The following JAK2 variants were observed in gnomAD, a reference collection of about 807,000 sequenced individuals.
The protein encoded by JAK2 is tyrosine-protein kinase JAK2.
In JAK2, 86 loss-of-function variants were observed where a neutral mutation model predicts 139.3. The ratio of observed to expected loss-of-function variants is 0.62; its 90% CI spans 0.52 to 0.74. The LOEUF (loss-of-function observed/expected upper bound fraction) is 0.74, where lower values mean the gene tolerates loss of function less well. JAK2 is among the 30% of genes least tolerant of loss of function. The probability of loss-of-function intolerance (pLI) is 0.00; values close to 1 mark genes in which losing one functional copy is unlikely to be tolerated. For missense variants in JAK2, 1,421 were observed against 1,360.3 expected (o/e 1.04, Z -0.70); for synonymous variants, 490 against 437.7 (o/e 1.12, Z -1.49).
intron 13 of JAK2, 91 bp from the exon 14 acceptor site, chr9:5,073,607 A>C: frequency 1.1e-6 from 1 of 930,086 alleles, no homozygotes; most frequent in South Asian, 1.4e-5. Context: ...AAGTAGGAGA[A>C]AGTGCATCTT....
intron 2 of JAK2, among the ~76,000 whole-genome samples, chr9:4,995,101 A>C (rs1057486397): frequency 1.1e-4 from 17 of 152,202 alleles, no homozygotes; most frequent in Admixed American, 2.6e-4. Flanking sequence ...TTTTCAGATG[A>C]CTTGATTGTT....
At chr9:5,110,308 C>G (rs573262593) in intron 22 of JAK2, 1 of 152,314 alleles carries the variant, frequency 6.6e-6, no homozygotes, top group African/African-American at 2.4e-5. Context: ...TCTCCAGGGG[C>G]TGTTACCACC....
chr9:5,040,991 T>A (rs1816456241), intron 4 of JAK2: 2 of 630,488 alleles, frequency 3.2e-6, no homozygotes, highest in Non-Finnish European at 5.9e-6. Context: ...AAATTGGAGC[T>A]GATCAAGTTC....
At chr9:4,999,954 G>T (rs1587807106) in intron 2 of JAK2, among the ~76,000 whole-genome samples, 1 of 152,164 alleles carries the variant, frequency 6.6e-6, no homozygotes, top group South Asian at 2.1e-4. Context: ...CTGGGTATTG[G>T]CATTCTTCTT....
intron 5 of JAK2, among the ~76,000 whole-genome samples, chr9:5,046,036 C>G (rs10974933): frequency 0.024 from 3,647 of 152,262 alleles, 81 homozygotes; most frequent in Non-Finnish European, 0.04. Flanking sequence ...TCTCAACATC[C>G]TCAACAATGC....
At chr9:5,118,277 A>C (rs1162080702) in intron 22 of JAK2, among the ~76,000 whole-genome samples, 1 of 152,174 alleles carries the variant, frequency 6.6e-6, no homozygotes, top group Non-Finnish European at 1.5e-5. Context: ...TTTTCTCTTT[A>C]AAATAGTATT....
chr9:5,033,875 A>T (rs141361339), intron 4 of JAK2, among the ~76,000 whole-genome samples: 1 of 152,196 alleles, frequency 6.6e-6, no homozygotes, highest in East Asian at 1.9e-4. Context: ...GACCGGATCA[A>T]ATTCACCCAT....
chr9:5,108,997 C>T (rs1822211455), intron 22 of JAK2: 2 of 152,142 alleles, frequency 1.3e-5, no homozygotes, highest in African/African-American at 4.8e-5. Context: ...CTCATGATGA[C>T]TTCTAGCAAA....
intron 22 of JAK2, among the ~76,000 whole-genome samples, chr9:5,120,638 G>T (rs1420511407): frequency 6.6e-6 from 1 of 152,102 alleles, no homozygotes; most frequent in Non-Finnish European, 1.5e-5. Context: ...GTACCCATTG[G>T]ATGATCTTTG....
chr9:4,985,468 A>T lies in JAK2; in HGVS notation c.-271A>T, dbSNP rs1411372156. On this transcript the variant is annotated 5_prime_UTR_variant, in exon 1 of 25. It removes an upstream start codon present in the reference 5' UTR. Transcript: ENST00000381652. ...GAGGCCTGGTCCTCGCTGCCGAGGG[A>T]TGTGAGTGGGAGCTGAGCCCACACT... 6.6e-6 allele frequency: 1 copy of T among 152,346 alleles called. No individual in the cohort carries two copies. Among genetic ancestry groups the T allele is most frequent in the Non-Finnish European group, 1.5e-5 (1 of 68,224 alleles). The allele number at this position is 152,346 out of a possible 1,614,324, so 9.4% of individuals were successfully genotyped here.
At chr9:5,016,007 G>A (rs530142771) in intron 2 of JAK2, among the ~76,000 whole-genome samples, 1 of 152,340 alleles carries the variant, frequency 6.6e-6, no homozygotes, top group East Asian at 1.9e-4. Flanking sequence ...TGGGTTTCCT[G>A]TACAGAAGTA....
intron 2 of JAK2, among the ~76,000 whole-genome samples, chr9:5,004,021 T>A (rs562132062): frequency 8.6e-4 from 131 of 152,294 alleles, no homozygotes; most frequent in Non-Finnish European, 1.8e-3. Flanking sequence ...TTTTCTAAAT[T>A]ACATAAAAAT....
In JAK2 at chr9:5,128,951, T is replaced by C. The variant is rs1326517295; in HGVS notation, c.*2160T>C. On this transcript the variant is annotated 3_prime_UTR_variant, in exon 25 of 25. Transcript: ENST00000381652. ...AGTATATTAAGTTATACAATCTTTA[T>C]ATAAATGACTTTTTCCATGGGTACT... is the stretch of plus-strand genomic sequence containing the variant. Among the ~76,000 whole-genome samples the C allele has an allele frequency of 1.3e-5, 2 of 152,014 alleles. No individual in the cohort carries two copies. The highest frequency in any genetic ancestry group is 1.5e-5 in the Non-Finnish European group (1 of 67,876).
Position 5,022,105 on chromosome 9 carries a change from C to T in JAK2, c.118C>T (p.Gln40Ter), listed in dbSNP as rs1183427218. The change falls in exon 3 of 25, where the codon CAG becomes TAG. Residue 40 changes from glutamine to a stop codon, truncating the protein, a stop_gained. Transcript: ENST00000381652. LOFTEE classifies it high-confidence loss of function. Reference protein sequence around the residue: ...NSMKQIDPVLQVYLYHSLGKS... With the variant: ...NSMKQIDPVL ...TATGAAGCAAATAGATCCAGTTCTTCAGGTGTATCTTTACCATTCCCTTGG... is the reference window on the plus strand; with the variant it reads ...TATGAAGCAAATAGATCCAGTTCTTTAGGTGTATCTTTACCATTCCCTTGG... 1 of 1,613,750 alleles carries T rather than the reference C, an allele frequency of 6.2e-7. No individual in the cohort carries two copies. The highest frequency in any genetic ancestry group is 8.5e-7 in the Non-Finnish European group (1 of 1,179,614).
rs1003853216 is a variant in JAK2, at chr9:5,063,206, T to G, written c.1057-1677T>G. Among the ~76,000 whole-genome samples, 10 of 152,350 alleles carry G rather than the reference T, an allele frequency of 6.6e-5. No homozygotes were observed. In the East Asian group the frequency reaches 1.9e-3, roughly 29 times the overall value. On this transcript the variant is annotated intron_variant, in intron 8 of 24. Coordinates refer to ENST00000381652, the MANE Select transcript of JAK2 (RefSeq NM_004972.4). ...TGCTGTAATCACATTTTCGTTCTTA[T>G]ATAACTTTTTCCAGGAGTTAATTAT...
chr9:5,042,773 A>T (rs1432961392), intron 4 of JAK2, among the ~76,000 whole-genome samples: 1 of 152,162 alleles, frequency 6.6e-6, no homozygotes, highest in Admixed American at 6.5e-5. Flanking sequence ...GCTGTGCCCC[A>T]GGCCTCCCCA....
rs1328519549 is a variant in JAK2 at position 5,081,868 on chromosome 9, T to C, written c.2571+7T>C. ...TCTACAGCAACTTGGCAAGGTAAAT[T>C]GTCAGAATTTTTTCAAATAGAGTAT... On this transcript the variant is annotated splice_region_variant and intron_variant, in intron 19 of 24. Coordinates refer to ENST00000381652, the MANE Select transcript of JAK2 (RefSeq NM_004972.4). 3.1e-6 allele frequency: 5 copies of C among 1,608,816 alleles called. No homozygotes were observed. Among genetic ancestry groups the C allele is most frequent in the Non-Finnish European group, 4.2e-6 (5 of 1,176,726 alleles).
At chr9:5,018,767 A>G (rs2130038503) in intron 2 of JAK2, among the ~76,000 whole-genome samples, 2 of 152,312 alleles carry the variant, frequency 1.3e-5, no homozygotes, top group Middle Eastern at 6.8e-3. Context: ...TTAATGAAGG[A>G]TAATTTTGCT....
chr9:5,005,743 C>G (rs1821256835), intron 2 of JAK2, among the ~76,000 whole-genome samples: 1 of 152,070 alleles, frequency 6.6e-6, no homozygotes. Context: ...ATGTTTCTTC[C>G]TCAGACATTT....
Sources: gnomAD v4.1 joint callset for allele counts (sites outside exome capture counted in the v4.1 genomes callset) on GRCh38, gnomAD v4.1.1 for gene constraint, MANE v1.5 for transcripts, NCBI Gene and HGNC (gene_info 2026-07-23, HGNC 2026-07-21) for gene names.